SLC60A1: variants seen among roughly 807,000 people sequenced by gnomAD.
SLC60A1 encodes the protein major facilitator superfamily domain containing 4.
At chr1:205,582,119 G>A in the SLC60A1 span, among the ~76,000 whole-genome samples, 1 of 152,220 alleles carries the variant, frequency 6.6e-6, no homozygotes. Context: ...TTCAGCCCAT[G>A]CCCATCCATT....
the SLC60A1 span, among the ~76,000 whole-genome samples, chr1:205,570,853 A>G: frequency 7.1e-3 from 1,081 of 152,358 alleles, 16 homozygotes; most frequent in African/African-American, 0.025. Context: ...CTTTTAAAGA[A>G]AATATGTAGT....
the SLC60A1 span, among the ~76,000 whole-genome samples, chr1:205,586,369 G>A: frequency 6.6e-6 from 1 of 152,144 alleles, no homozygotes; most frequent in African/African-American, 2.4e-5. Context: ...AGGAAGGGGT[G>A]GGAGCCTGGG....
chr1:205,584,997 C>T, the SLC60A1 span: 2 of 1,612,188 alleles, frequency 1.2e-6, no homozygotes, highest in South Asian at 1.1e-5. Flanking sequence ...TGACGGTGAG[C>T]CTGCCTCAGA....
the SLC60A1 span, among the ~76,000 whole-genome samples, chr1:205,572,210 G>A: frequency 2.0e-5 from 3 of 152,180 alleles, no homozygotes; most frequent in African/African-American, 7.2e-5. Context: ...GCTTTGTCAG[G>A]CAGGAAAGGG....
At chr1:205,584,879 A>T in the SLC60A1 span, 1 of 1,613,902 alleles carries the variant, frequency 6.2e-7, no homozygotes, top group South Asian at 1.1e-5. Context: ...CCTGCAGGGC[A>T]TGAGGACCTG....
At chr1:205,601,687 G>T in the SLC60A1 span, 6 of 152,336 alleles carry the variant, frequency 3.9e-5, no homozygotes, top group Non-Finnish European at 8.8e-5. Context: ...AGTTTCAAGC[G>T]ATTCTCCTGC....
chr1:205,592,022 T>C, the SLC60A1 span: 1 of 1,389,718 alleles, frequency 7.2e-7, no homozygotes, highest in South Asian at 1.3e-5. Flanking sequence ...GTCACACAGC[T>C]GGGCTCCTTG....
At chr1:205,577,023 A>T in the SLC60A1 span, among the ~76,000 whole-genome samples, 1 of 152,056 alleles carries the variant, frequency 6.6e-6, no homozygotes, top group East Asian at 1.9e-4. This position sits in a 1 kb window ranked among gnomAD's most constrained non-coding sequence, Gnocchi z 5.2. Flanking sequence ...GGGACAAACC[A>T]TACCTCCAGT....
At chr1:205,592,361 CTG>C in the SLC60A1 span, 5 of 1,304,274 alleles carry the variant, frequency 3.8e-6, no homozygotes, top group Non-Finnish European at 5.0e-6. Context: ...CCCTGTCTCT[CTG>C]TGCTCTTTTT....
chr1:205,599,077 A>G, the SLC60A1 span: 1 of 1,607,514 alleles, frequency 6.2e-7, no homozygotes, highest in Non-Finnish European at 8.5e-7. Context: ...CCTCCGATAC[A>G]CCTTCCACGT....
At chr1:205,574,936 T>C in the SLC60A1 span, among the ~76,000 whole-genome samples, 6,086 of 152,294 alleles carry the variant, frequency 0.04, 384 homozygotes, top group African/African-American at 0.14. Flanking sequence ...CCAGTTTGTC[T>C]GCCCCTCCCT....
chr1:205,589,842 A>T, the SLC60A1 span, among the ~76,000 whole-genome samples: 3 of 152,226 alleles, frequency 2.0e-5, no homozygotes, highest in Non-Finnish European at 2.9e-5. Flanking sequence ...ATTGTAGTCC[A>T]GGCGCAAGAG....
the SLC60A1 span, chr1:205,597,833 C>T: frequency 6.2e-7 from 1 of 1,614,000 alleles, no homozygotes; most frequent in Non-Finnish European, 8.5e-7. Context: ...GATGGTGCTG[C>T]AGATGCTGGT....
the SLC60A1 span, chr1:205,584,978 C>T: frequency 6.8e-6 from 11 of 1,613,604 alleles, no homozygotes; most frequent in East Asian, 8.9e-5. Context: ...CTGTTCATGA[C>T]GGATGGGTTG....
the SLC60A1 span, chr1:205,598,351 A>G: frequency 4.5e-5 from 7 of 154,294 alleles, no homozygotes; most frequent in East Asian, 1.3e-3. Context: ...AGGAAAAAAA[A>G]AAAAACAACC....
the SLC60A1 span, chr1:205,597,863 C>T: frequency 6.2e-7 from 1 of 1,613,524 alleles, no homozygotes; most frequent in South Asian, 1.1e-5. Context: ...ATGTGGGGAC[C>T]TGTAAGGGAG....
the SLC60A1 span, among the ~76,000 whole-genome samples, chr1:205,597,373 G>GTTTTTTGTTTTTTTTTTT: frequency 5.4e-5 from 2 of 37,228 alleles, no homozygotes; most frequent in African/African-American, 6.6e-5. Context: ...AACCTAGGTT[G>GTTTTTTGTTTTTTTTTTT]TTTTTTTTTT....
At chr1:205,583,174 G>C in the SLC60A1 span, among the ~76,000 whole-genome samples, 14 of 152,314 alleles carry the variant, frequency 9.2e-5, no homozygotes, top group East Asian at 2.7e-3. Flanking sequence ...GAGGGAGGTG[G>C]TGGAGGCTTC....
the SLC60A1 span, among the ~76,000 whole-genome samples, chr1:205,577,364 C>T: frequency 2.0e-5 from 3 of 152,216 alleles, no homozygotes; most frequent in Non-Finnish European, 4.4e-5. The surrounding 1 kb of genome is among the most constrained non-coding windows in gnomAD (Gnocchi z 5.2). Flanking sequence ...TCACTAGCCA[C>T]GTCCAGGAAC....
Sources: gnomAD v4.1 joint callset for allele counts (sites outside exome capture counted in the v4.1 genomes callset) on GRCh38, gnomAD v4.1.1 for gene constraint, Gnocchi (gnomAD v3.1) non-coding constraint, MANE v1.5 for transcripts, NCBI Gene and HGNC (gene_info 2026-07-23, HGNC 2026-07-21) for gene names.